KIF24: variants seen among roughly 807,000 people sequenced by gnomAD.
The protein encoded by KIF24 is kinesin family member 24.
A neutral mutation model predicts 118.9 loss-of-function variants in KIF24; 81 were observed. That is an observed-to-expected ratio of 0.68 (90% CI 0.57 to 0.82). The LOEUF (loss-of-function observed/expected upper bound fraction) is 0.82, where lower values mean the gene tolerates loss of function less well. KIF24 is among the 40% of genes least tolerant of loss of function. The pLI is 0.00. For missense variants in KIF24, 1,560 were observed against 1,661.6 expected, an observed-to-expected ratio of 0.94 and a Z score of 1.06; for synonymous variants, 599 against 610.0, an observed-to-expected ratio of 0.98 and a Z score of 0.27.
Position 34,286,613 on chromosome 9 carries a change from T to C in KIF24, c.1215+4A>G. 1.3e-6 allele frequency: 2 copies of C among 1,598,826 alleles called. No homozygotes were observed. The highest frequency in any genetic ancestry group is 1.7e-6 in the Non-Finnish European group (2 of 1,166,114). On this transcript the variant is annotated splice_donor_region_variant and intron_variant, in intron 6 of 12. Transcript: ENST00000402558. ...GGGGTAATAAAGAAGGAAGAATTAA[T>C]TACCTCTAAGAGGAGCTCCACACTG...
intron 3 of KIF24, among the ~76,000 whole-genome samples, chr9:34,305,487 A>C (rs1836877826): frequency 1.3e-5 from 2 of 152,238 alleles, no homozygotes; most frequent in African/African-American, 4.8e-5. Flanking sequence ...AGTCAGCAGA[A>C]TGAGAAGTTC....
chr9:34,298,149 G>A (rs1336765066), intron 3 of KIF24, among the ~76,000 whole-genome samples: 1 of 152,172 alleles, frequency 6.6e-6, no homozygotes, highest in Non-Finnish European at 1.5e-5. Context: ...TATGAACAGA[G>A]TCAAAGCATA....
At chr9:34,319,956 T>C (rs563368457) in intron 1 of KIF24, among the ~76,000 whole-genome samples, 25 of 152,302 alleles carry the variant, frequency 1.6e-4, no homozygotes, top group African/African-American at 6.0e-4. Flanking sequence ...TCAGTGTTCA[T>C]ATTTATAGCC....
intron 8 of KIF24, among the ~76,000 whole-genome samples, chr9:34,267,542 T>C (rs1227560757): frequency 2.0e-5 from 3 of 152,092 alleles, no homozygotes; most frequent in Admixed American, 2.0e-4. Flanking sequence ...AAAACACATA[T>C]GTAATTCTAA....
chr9:34,323,652 C>A (rs1459583066), intron 1 of KIF24, among the ~76,000 whole-genome samples: 2 of 152,148 alleles, frequency 1.3e-5, no homozygotes, highest in African/African-American at 4.8e-5. Flanking sequence ...ATAACTGTTA[C>A]AATCAGTTTT....
At chr9:34,317,262 C>T (rs574137401) in intron 1 of KIF24, among the ~76,000 whole-genome samples, 5 of 151,230 alleles carry the variant, frequency 3.3e-5, no homozygotes, top group South Asian at 2.1e-4. Flanking sequence ...TGGTGGCACG[C>T]GCCTGTAATC....
At chr9:34,293,405 G>A (rs976946473) in intron 4 of KIF24, among the ~76,000 whole-genome samples, 5 of 151,458 alleles carry the variant, frequency 3.3e-5, no homozygotes, top group Non-Finnish European at 7.4e-5. Context: ...GCCTGAGCCC[G>A]GGAGGCGGAA....
chr9:34,285,571 G>C (rs371346566), intron 6 of KIF24, among the ~76,000 whole-genome samples: 3 of 151,888 alleles, frequency 2.0e-5, no homozygotes, highest in Admixed American at 2.0e-4. Context: ...TCAGGAGATC[G>C]AGACCATTCT....
Position 34,306,266 on chromosome 9 carries a change from G to T in KIF24, c.799C>A (p.Gln267Lys), listed in dbSNP as rs752446429. The T allele has an allele frequency of 1.9e-6, 3 of 1,597,598 alleles. No homozygotes were observed. The African/African-American group carries it at 4.1e-5, about 22-fold the overall frequency. ...HEKKEAVDLT[Q>K]YILQHVFYFD... ...AAACATCATACCTGCAGAATATATT[G>T]AGTGAGGTCAACTGCTTCTTTCTTC... is the stretch of plus-strand genomic sequence containing the variant. Residue 267 changes from glutamine to lysine, a missense_variant, in exon 3 of 13, where the codon CAA becomes AAA. Coordinates refer to ENST00000402558, the MANE Select transcript of KIF24 (RefSeq NM_194313.4).
In KIF24 at chr9:34,256,071, G is replaced by A. The variant is rs781559463; in HGVS notation, c.3536C>T (p.Thr1179Met). 26 of 1,613,934 alleles carry A rather than the reference G, an allele frequency of 1.6e-5. No homozygotes were observed. The highest frequency in any genetic ancestry group is 1.5e-4 in the South Asian group (14 of 91,078). The change falls in exon 11 of 13, where the codon ACG becomes ATG. Residue 1179 changes from threonine (T) to methionine (M), a missense_variant. Thr to Met is a moderately conservative substitution (Grantham distance 81). Around this residue, in one of 3 missense-constraint regions of KIF24, gnomAD observed 591 missense variants for 655.6 expected, o/e 0.90. Transcript: ENST00000402558. Reference protein sequence around the residue: ...SEQYDADAEETGLDGSWGFPG... With the variant: ...SEQYDADAEEMGLDGSWGFPG... ...GAAACCCCAGGAGCCATCCAGCCCC[G>A]TCTCCTCTGCATCAGCATCATACTG...
At chr9:34,330,594 GGTT>G (rs1201514943), upstream of KIF24, among the ~76,000 whole-genome samples, 3 of 152,206 alleles carry the variant, frequency 2.0e-5, no homozygotes, top group African/African-American at 7.2e-5. Flanking sequence ...TGCCTCAGCG[GGTT>G]GTTGTGAAGA....
intron 2 of KIF24, 79 bp downstream of exon 2, chr9:34,310,645 G>A (rs982630275): frequency 7.2e-6 from 7 of 977,446 alleles, no homozygotes; most frequent in Non-Finnish European, 9.2e-6. Flanking sequence ...AGTAGATGCT[G>A]TCTGCTGGAC....
At chr9:34,268,576 C>T (rs1047612478) in intron 8 of KIF24, among the ~76,000 whole-genome samples, 5 of 147,762 alleles carry the variant, frequency 3.4e-5, no homozygotes, top group African/African-American at 1.0e-4. Context: ...GGCACGATCT[C>T]GGCTCACTAC....
At chr9:34,305,137 G>T (rs1255204229) in intron 3 of KIF24, among the ~76,000 whole-genome samples, 1 of 152,128 alleles carries the variant, frequency 6.6e-6, no homozygotes, top group East Asian at 1.9e-4. Context: ...TGAGACTAAA[G>T]AATTATTGCA....
chr9:34,266,508 C>G (rs191729523), intron 8 of KIF24, among the ~76,000 whole-genome samples: 76 of 151,920 alleles, frequency 5.0e-4, no homozygotes, highest in African/African-American at 1.8e-3. Flanking sequence ...GAAACCGGGT[C>G]TCTACTAAAA....
At chr9:34,276,098 T>C (rs1472857265) in intron 6 of KIF24, among the ~76,000 whole-genome samples, 2 of 152,082 alleles carry the variant, frequency 1.3e-5, no homozygotes, top group African/African-American at 4.8e-5. Context: ...TTCATTTATT[T>C]TGCAGTGAAT....
intron 6 of KIF24, 106 bp from the exon 7 acceptor site, chr9:34,272,036 T>G (rs1053637650): frequency 1.0e-6 from 1 of 995,140 alleles, no homozygotes. Flanking sequence ...ATTGTGTCAG[T>G]GCACTGCAGT....
rs10972055 is a variant in KIF24, at chr9:34,318,656, G to A, written c.-25-7285C>T. On this transcript the variant is annotated intron_variant, in intron 1 of 12. Coordinates refer to ENST00000402558, the MANE Select transcript of KIF24 (RefSeq NM_194313.4). This position sits in a 1 kb window ranked among gnomAD's most constrained non-coding sequence, Gnocchi z 4.9. ...GTCGTTGGGGCTCGTGTCGCTGGGC[G>A]GCAAGGCGACCACGGCGTCGGAGGC... 0.58 allele frequency: 888,213 copies of A among 1,520,396 alleles called. 271,264 individuals carry two copies. The highest frequency in any genetic ancestry group is 0.63 in the South Asian group (54,882 of 86,720). The allele number at this position is 1,520,396 out of a possible 1,614,324, so 94.2% of individuals were successfully genotyped here.
At chr9:34,266,965 A>T (rs1005855115) in intron 8 of KIF24, among the ~76,000 whole-genome samples, 1 of 152,208 alleles carries the variant, frequency 6.6e-6, no homozygotes, top group African/African-American at 2.4e-5. Flanking sequence ...AAACAACAAC[A>T]ATAAAACAAA....
Sources: allele counts gnomAD v4.1 joint callset (sites outside exome capture counted in the v4.1 genomes callset), GRCh38; gene constraint gnomAD v4.1.1; regional missense constraint gnomAD v4.1.1; non-coding constraint Gnocchi (gnomAD v3.1); transcripts MANE v1.5; gene names NCBI Gene and HGNC (gene_info 2026-07-23, HGNC 2026-07-21).